NCOA2: variants seen among roughly 807,000 people sequenced by gnomAD.
NCOA2 encodes class E basic helix-loop-helix protein 75.
In NCOA2, 21 loss-of-function variants were observed where a neutral mutation model predicts 145.1. The observed-to-expected ratio is 0.14, with a 90% CI of 0.10 to 0.21. The LOEUF is 0.21. NCOA2 is among the 10% of genes least tolerant of loss of function. The pLI, the probability that NCOA2 is intolerant of heterozygous loss-of-function variation, is 1.00. For missense variants in NCOA2, 1,472 were observed against 1,837.6 expected (o/e 0.80, Z 3.64); for synonymous variants, 619 against 637.5 (o/e 0.97, Z 0.44).
intron 1 of NCOA2, among the ~76,000 whole-genome samples, chr8:70,341,606 T>C (rs962625147): frequency 2.0e-5 from 3 of 152,218 alleles, no homozygotes; most frequent in African/African-American, 4.8e-5. Flanking sequence ...AGCAACTTAA[T>C]TGCTTTGTTA....
At chr8:70,332,687 A>AT (rs1230693079) in intron 1 of NCOA2, among the ~76,000 whole-genome samples, 3 of 152,112 alleles carry the variant, frequency 2.0e-5, no homozygotes, top group Non-Finnish European at 2.9e-5. Context: ...ATATCTAATT[A>AT]TTTTTTTCCA....
chr8:70,217,290 C>T (rs1021278067), intron 2 of NCOA2, among the ~76,000 whole-genome samples: 5 of 152,198 alleles, frequency 3.3e-5, no homozygotes, highest in East Asian at 1.9e-4. Context: ...CCTGTAGCCC[C>T]GAGTTCCTGC....
intron 19 of NCOA2, among the ~76,000 whole-genome samples, chr8:70,126,387 CTATATT>C (rs1808413976): frequency 6.6e-6 from 1 of 152,092 alleles, no homozygotes; most frequent in African/African-American, 2.4e-5. Context: ...CGCAGAATGT[CTATATT>C]TAAATTTATA....
chr8:70,178,466 G>A (rs1013373057), intron 4 of NCOA2, among the ~76,000 whole-genome samples: 1 of 152,228 alleles, frequency 6.6e-6, no homozygotes. Flanking sequence ...GCTAACACCA[G>A]TAATGGAGAA....
At chr8:70,197,415 G>A (rs1197569590) in intron 4 of NCOA2, among the ~76,000 whole-genome samples, 1 of 152,220 alleles carries the variant, frequency 6.6e-6, no homozygotes, top group East Asian at 1.9e-4. Context: ...TCCCTTGAGG[G>A]TGGGTCCCTA....
At chr8:70,262,135 G>C (rs568336416) in intron 2 of NCOA2, among the ~76,000 whole-genome samples, 1 of 152,006 alleles carries the variant, frequency 6.6e-6, no homozygotes, top group African/African-American at 2.4e-5. Context: ...TGAGACCAGC[G>C]AATATTTATT....
chr8:70,232,608 A>T (rs889700220), intron 2 of NCOA2, among the ~76,000 whole-genome samples: 1 of 152,102 alleles, frequency 6.6e-6, no homozygotes, highest in Non-Finnish European at 1.5e-5. Context: ...CTGCCTGTAA[A>T]CACTAACTAC....
At chr8:70,147,115 C>CGT (rs1811162148) in intron 12 of NCOA2, among the ~76,000 whole-genome samples, 1 of 120,894 alleles carries the variant, frequency 8.3e-6, no homozygotes, top group African/African-American at 3.4e-5. Context: ...ATCTTTCGCG[C>CGT]GCGCGCGCGC....
At chr8:70,420,535 T>C in the NCOA2 span, among the ~76,000 whole-genome samples, 4 of 152,176 alleles carry the variant, frequency 2.6e-5, no homozygotes, top group African/African-American at 9.7e-5. Flanking sequence ...CTCTAATGAT[T>C]GTGGCAAAGA....
chr8:70,444,210 C>T, the NCOA2 span, among the ~76,000 whole-genome samples: 11 of 152,112 alleles, frequency 7.2e-5, no homozygotes, highest in Non-Finnish European at 1.2e-4. Flanking sequence ...TATTGATATA[C>T]ACAACAACTT....
upstream of NCOA2, among the ~76,000 whole-genome samples, chr8:70,404,098 C>G (rs1248181950): frequency 6.6e-6 from 1 of 152,176 alleles, no homozygotes; most frequent in African/African-American, 2.4e-5. Context: ...CCGCGGGGTC[C>G]GCAGCATCTC....
intron 2 of NCOA2, among the ~76,000 whole-genome samples, chr8:70,250,855 A>G (rs756081334): frequency 6.6e-6 from 1 of 152,242 alleles, no homozygotes; most frequent in Non-Finnish European, 1.5e-5. Flanking sequence ...TTAGCATTGT[A>G]ATTCCATACT....
intron 2 of NCOA2, among the ~76,000 whole-genome samples, chr8:70,262,807 G>A (rs927725645): frequency 4.6e-5 from 7 of 152,068 alleles, no homozygotes; most frequent in East Asian, 1.9e-4. Flanking sequence ...CCTCATCCTC[G>A]AGTGGATGCC....
chr8:70,334,805 G>A (rs962635886), intron 1 of NCOA2, among the ~76,000 whole-genome samples: 8 of 152,060 alleles, frequency 5.3e-5, no homozygotes, highest in African/African-American at 1.4e-4. Flanking sequence ...CCAGCTCTTA[G>A]TAATATTCAT....
intron 15 of NCOA2, among the ~76,000 whole-genome samples, chr8:70,133,772 T>C (rs1809428240): frequency 6.6e-6 from 1 of 152,198 alleles, no homozygotes; most frequent in African/African-American, 2.4e-5. Flanking sequence ...TGCCATGTGG[T>C]TTTTAAATGC....
rs773382780 is a variant in NCOA2 at position 70,166,638 on chromosome 8, C to T, written c.658G>A (p.Ala220Thr). Reference protein sequence around the residue: ...SEEEGHDNQEAHQKYETMQCF... With the variant: ...SEEEGHDNQETHQKYETMQCF... ...TGCATAGTTTCATATTTCTGATGAG[C>T]TTCCTGGTTATCATGACCCTCCTCT... The change falls in exon 7 of 23, where the codon GCT becomes ACT. Residue 220 changes from alanine to threonine, a missense_variant. Around this residue, in one of 4 missense-constraint regions of NCOA2, gnomAD observed 284 missense variants for 467.8 expected, o/e 0.61. Transcript: ENST00000452400. 5.0e-6 allele frequency: 8 copies of T among 1,613,884 alleles called. No individual in the cohort carries two copies. The highest frequency in any genetic ancestry group is 1.6e-4 in the Middle Eastern group (1 of 6,084).
At chr8:70,291,757 T>C (rs1297974757) in intron 2 of NCOA2, among the ~76,000 whole-genome samples, 1 of 152,204 alleles carries the variant, frequency 6.6e-6, no homozygotes, top group Non-Finnish European at 1.5e-5. Flanking sequence ...CATTTTGTTG[T>C]TGTTGCTACT....
At chr8:70,294,867 A>G (rs1826967489) in intron 2 of NCOA2, among the ~76,000 whole-genome samples, 1 of 152,230 alleles carries the variant, frequency 6.6e-6, no homozygotes, top group East Asian at 1.9e-4. Flanking sequence ...ACAGTAAAAG[A>G]GCAATAAGTA....
chr8:70,316,474 C>G (rs1586468299), intron 1 of NCOA2, among the ~76,000 whole-genome samples: 1 of 152,142 alleles, frequency 6.6e-6, no homozygotes, highest in Non-Finnish European at 1.5e-5. Flanking sequence ...CCAGATCATT[C>G]AAGAAATTAC....
Sources: allele counts gnomAD v4.1 joint callset (sites outside exome capture counted in the v4.1 genomes callset), GRCh38; gene constraint gnomAD v4.1.1; regional missense constraint gnomAD v4.1.1; transcripts MANE v1.5; gene names NCBI Gene and HGNC (gene_info 2026-07-23, HGNC 2026-07-21).